The following DENND5B variants were observed in gnomAD, a reference collection of about 807,000 sequenced individuals.
DENND5B encodes DENN domain-containing protein 5B.
Under a neutral mutation model 140.6 loss-of-function variants are expected in DENND5B, and 34 were observed. The observed-to-expected ratio is 0.24, with a 90% CI of 0.18 to 0.32. The LOEUF is 0.32. DENND5B is among the 10% of genes least tolerant of loss of function. The pLI is 1.00. For missense variants in DENND5B, 1,142 were observed against 1,560.2 expected (o/e 0.73, Z 4.52); for synonymous variants, 551 against 562.1 (o/e 0.98, Z 0.28).
intron 1 of DENND5B, among the ~76,000 whole-genome samples, chr12:31,524,656 A>G (rs969206810): frequency 6.6e-6 from 1 of 152,146 alleles, no homozygotes; most frequent in Non-Finnish European, 1.5e-5. Flanking sequence ...ACTCTGTGAC[A>G]TTTACAAAAG....
At chr12:31,396,354 GTTGTTGTTTTTTT>G (rs1221727394) in intron 17 of DENND5B, 1 of 91,344 alleles carries the variant, frequency 1.1e-5, no homozygotes, top group African/African-American at 4.3e-5. Flanking sequence ...TGTTGTTGTT[GTTGTTGTTTTTTT>G]TTTTTTTTTT....
At chr12:31,402,684 A>C (rs762395060) in intron 14 of DENND5B, 41 bp from the exon 15 acceptor site, 2 of 1,571,950 alleles carry the variant, frequency 1.3e-6, no homozygotes, top group Non-Finnish European at 1.7e-6. Flanking sequence ...AGCGGGAATA[A>C]AATTCTCCTT....
intron 4 of DENND5B, 137 bp downstream of exon 4, chr12:31,460,057 C>T (rs1379889905): frequency 2.4e-5 from 19 of 804,778 alleles, no homozygotes; most frequent in African/African-American, 5.2e-5. Flanking sequence ...AGCTCAGGCT[C>T]TCCCCTAGCC....
intron 1 of DENND5B, among the ~76,000 whole-genome samples, chr12:31,580,681 G>A (rs1332268687): frequency 2.0e-5 from 3 of 152,142 alleles, no homozygotes; most frequent in African/African-American, 4.8e-5. Context: ...TTCTAGTAGA[G>A]ACAGAGTTCC....
intron 19 of DENND5B, among the ~76,000 whole-genome samples, chr12:31,391,299 G>C (rs1381445225): frequency 6.6e-6 from 1 of 152,004 alleles, no homozygotes; most frequent in African/African-American, 2.4e-5. Context: ...TATCTACATG[G>C]CTCACTTCCT....
At chr12:31,491,947 G>A (rs1946541329) in intron 2 of DENND5B, among the ~76,000 whole-genome samples, 1 of 152,178 alleles carries the variant, frequency 6.6e-6, no homozygotes, top group Admixed American at 6.5e-5. Flanking sequence ...TTTGCTAAAG[G>A]CAAGACAAAG....
At chr12:31,405,133 A>G (rs938016306) in intron 14 of DENND5B, among the ~76,000 whole-genome samples, 6 of 151,416 alleles carry the variant, frequency 4.0e-5, no homozygotes, top group Admixed American at 6.6e-5. Flanking sequence ...CTTGAACTGG[A>G]CTCAAGCGAT....
chr12:31,439,322 G>A (rs888306963), intron 7 of DENND5B, among the ~76,000 whole-genome samples: 1 of 152,176 alleles, frequency 6.6e-6, no homozygotes, highest in Non-Finnish European at 1.5e-5. Flanking sequence ...GCTTCGTGTG[G>A]AAATGGGAAA....
chr12:31,413,290 A>T, intron 13 of DENND5B, 146 bp downstream of exon 13: 1 of 1,025,748 alleles, frequency 9.7e-7, no homozygotes, highest in Non-Finnish European at 1.3e-6. Flanking sequence ...AACAGTTTTC[A>T]AAGCACACGC....
At chr12:31,527,908 G>A (rs777986812) in intron 1 of DENND5B, among the ~76,000 whole-genome samples, 10 of 152,084 alleles carry the variant, frequency 6.6e-5, no homozygotes, top group South Asian at 2.1e-4. Context: ...ATTCCACAAC[G>A]TGGGATAGTC....
At position 31,479,820 on chromosome 12, in the gene DENND5B, G is replaced by A; in HGVS notation, c.673C>T (p.Leu225Phe). Residue 225 changes from leucine (L) to phenylalanine (F), a missense_variant, in exon 3 of 21, where the codon CTT becomes TTT. Leu to Phe is a conservative substitution (Grantham distance 22, BLOSUM62 0). This residue lies in a region of DENND5B where 708 missense variants were observed against 905.5 expected (regional missense o/e 0.78). Transcript: ENST00000389082. ...VTSQQPPPLP[L>F]ESYIHNILYE... ...AGAATATTGTGGATATAGCTTTCAA[G>A]TGGCAAGGGTGGTGGCTGCTGTGAG... 6.2e-7 allele frequency: 1 copy of A among 1,613,838 alleles called. No homozygotes were observed. The highest frequency in any genetic ancestry group is 8.5e-7 in the Non-Finnish European group (1 of 1,179,812).
At chr12:31,450,544 A>G (rs570432643) in intron 5 of DENND5B, among the ~76,000 whole-genome samples, 3 of 151,900 alleles carry the variant, frequency 2.0e-5, no homozygotes, top group Non-Finnish European at 4.4e-5. Flanking sequence ...TTTTGTAGAG[A>G]TGAGTTCTCA....
intron 1 of DENND5B, among the ~76,000 whole-genome samples, chr12:31,517,444 A>G (rs12818749): frequency 0.14 from 20,958 of 152,226 alleles, 1,666 homozygotes; most frequent in Non-Finnish European, 0.18. Context: ...TAAGGTGAAA[A>G]CCATCTTAGC....
intron 1 of DENND5B, among the ~76,000 whole-genome samples, chr12:31,527,145 C>A (rs931590193): frequency 6.6e-6 from 1 of 152,084 alleles, no homozygotes; most frequent in African/African-American, 2.4e-5. Flanking sequence ...GGGATCAGCA[C>A]TGGGAAGCAG....
At chr12:31,407,135 T>A (rs138294037) in intron 14 of DENND5B, among the ~76,000 whole-genome samples, 7,389 of 150,700 alleles carry the variant, frequency 0.049, 262 homozygotes, top group Middle Eastern at 0.12. Context: ...TTAATTTATT[T>A]ATTTATTTAT....
chr12:31,453,632 A>T (rs1944638324), intron 4 of DENND5B, among the ~76,000 whole-genome samples: 1 of 152,150 alleles, frequency 6.6e-6, no homozygotes, highest in Non-Finnish European at 1.5e-5. Context: ...AAGTTAATAA[A>T]CAAAATAGGA....
intron 1 of DENND5B, among the ~76,000 whole-genome samples, chr12:31,511,560 A>G (rs1313615393): frequency 4.2e-5 from 6 of 143,930 alleles, no homozygotes; most frequent in African/African-American, 2.6e-5. Flanking sequence ...TTTAACAGAG[A>G]TAGCACTGTG....
chr12:31,409,126 C>T (rs1233650166), intron 14 of DENND5B, 137 bp downstream of exon 14: 33 of 957,086 alleles, frequency 3.4e-5, no homozygotes, highest in Non-Finnish European at 4.7e-5. Context: ...TGGGGAATAT[C>T]CTTTACTCCT....
chr12:31,528,065 G>A (rs1044660271), intron 1 of DENND5B, among the ~76,000 whole-genome samples: 2 of 152,198 alleles, frequency 1.3e-5, no homozygotes, highest in Non-Finnish European at 2.9e-5. Context: ...ACAGGAGAAT[G>A]TATTAATTTC....
Sources: allele counts gnomAD v4.1 joint callset (sites outside exome capture counted in the v4.1 genomes callset), GRCh38; gene constraint gnomAD v4.1.1; regional missense constraint gnomAD v4.1.1; transcripts MANE v1.5; gene names NCBI Gene and HGNC (gene_info 2026-07-23, HGNC 2026-07-21).